The following C16orf46 variants were observed in gnomAD, a reference collection of about 807,000 sequenced individuals.
C16orf46 encodes uncharacterized protein C16orf46.
Under a neutral mutation model 5.5 loss-of-function variants are expected in C16orf46, and 7 were observed. That is an observed-to-expected ratio of 1.28 (90% CI 0.73 to 2.40). The LOEUF is 2.40. Ranked by LOEUF, C16orf46 falls within the 30% of genes most tolerant of loss-of-function variation. The pLI is 0.00. For synonymous variants in C16orf46, 200 were observed against 184.1 expected (o/e 1.09, Z -0.70); for missense variants, 614 against 476.0 (o/e 1.29, Z -2.70).
chr16:81,074,068 G>T (rs905503011), intron 1 of C16orf46, among the ~76,000 whole-genome samples: 10 of 152,212 alleles, frequency 6.6e-5, no homozygotes, highest in African/African-American at 2.4e-4. Flanking sequence ...AAGCTCTAAA[G>T]ATTCGAATGA....
chr16:81,075,228 T>G (rs1231504073), intron 1 of C16orf46, among the ~76,000 whole-genome samples: 1 of 150,408 alleles, frequency 6.6e-6, no homozygotes, highest in African/African-American at 2.5e-5. Context: ...CTACCAAGAG[T>G]TATAGAAGTT....
chr16:81,075,543 T>C (rs547459101), intron 1 of C16orf46, among the ~76,000 whole-genome samples: 1 of 152,196 alleles, frequency 6.6e-6, no homozygotes, highest in African/African-American at 2.4e-5. Context: ...TAAGCCGAGA[T>C]TGCACCACTA....
rs1455594740 is a variant in C16orf46, at chr16:81,061,685, A to G, written c.664T>C (p.Leu222=). Reference sequence around the variant, plus strand: ...TTACTCTTCTTACCCAGAACATCCAAAGCATTTGAAAGTGAAGCCTTCAGG... The same window carrying G: ...TTACTCTTCTTACCCAGAACATCCAGAGCATTTGAAAGTGAAGCCTTCAGG... ...PPLKASLSNA[L]DVLGKKSKNS... The change falls in exon 4 of 4, where the codon TTG becomes CTG. Residue 222 remains leucine (L), a synonymous_variant. Transcript: ENST00000299578. 1 of 1,614,148 alleles carries G rather than the reference A, an allele frequency of 6.2e-7. No homozygotes were observed. Among genetic ancestry groups the G allele is most frequent in the South Asian group, 1.1e-5 (1 of 91,090 alleles).
At chr16:81,068,553 G>C (rs1349269267) in intron 1 of C16orf46, among the ~76,000 whole-genome samples, 3 of 127,464 alleles carry the variant, frequency 2.4e-5, no homozygotes, top group African/African-American at 8.6e-5. Context: ...AAGGGCCTTT[G>C]TATTTCTTTG....
At chr16:81,053,908 T>G in exon 4 of C16orf46, 2 of 690,750 alleles carry the variant, frequency 2.9e-6, no homozygotes, top group South Asian at 3.8e-5. Context: ...AAATAAGACC[T>G]TGCTCCAAAC....
At chr16:81,075,102 T>A (rs140739172) in intron 1 of C16orf46, among the ~76,000 whole-genome samples, 1 of 152,338 alleles carries the variant, frequency 6.6e-6, no homozygotes, top group African/African-American at 2.4e-5. Context: ...ATTATTCAAC[T>A]AGCTGCAAAT....
At chr16:81,069,463 C>T (rs375580042) in intron 1 of C16orf46, among the ~76,000 whole-genome samples, 185 of 152,326 alleles carry the variant, frequency 1.2e-3, no homozygotes, top group African/African-American at 4.2e-3. Flanking sequence ...AAACATGGCT[C>T]TTAGATGGTT....
intron 1 of C16orf46, among the ~76,000 whole-genome samples, chr16:81,070,904 G>T (rs1971827498): frequency 1.3e-5 from 2 of 152,086 alleles, no homozygotes; most frequent in Non-Finnish European, 2.9e-5. Flanking sequence ...GACTCAACTG[G>T]TTTATCAGCC....
intron 2 of C16orf46, among the ~76,000 whole-genome samples, chr16:81,065,249 G>C (rs1035541): frequency 0.078 from 11,895 of 152,144 alleles, 513 homozygotes; most frequent in East Asian, 0.2. Context: ...GAGCTGGGTG[G>C]ATCATTTGAG....
chr16:81,056,219 C>T (rs1971291449), downstream of C16orf46: 1 of 152,170 alleles, frequency 6.6e-6, no homozygotes, highest in Non-Finnish European at 1.5e-5. Context: ...TATTAAACAT[C>T]AGAGAATTCT....
chr16:81,056,847 C>A (rs1380874544), downstream of C16orf46, among the ~76,000 whole-genome samples: 1 of 152,112 alleles, frequency 6.6e-6, no homozygotes, highest in African/African-American at 2.4e-5. Flanking sequence ...TGGGCGTTCC[C>A]CCAGCTCCCT....
chr16:81,071,229 T>A (rs1971841689), intron 1 of C16orf46, among the ~76,000 whole-genome samples: 4 of 152,200 alleles, frequency 2.6e-5, no homozygotes, highest in African/African-American at 7.2e-5. Context: ...GTATTCAGAA[T>A]GCCAAAGCTC....
intron 2 of C16orf46, among the ~76,000 whole-genome samples, chr16:81,065,423 A>C (rs1288606054): frequency 6.6e-6 from 1 of 150,678 alleles, no homozygotes; most frequent in Non-Finnish European, 1.5e-5. Flanking sequence ...GCAGTGAGCC[A>C]AGATCGTGCC....
chr16:81,059,539 A>C (rs1422986327), downstream of C16orf46, among the ~76,000 whole-genome samples: 1 of 152,174 alleles, frequency 6.6e-6, no homozygotes, highest in Non-Finnish European at 1.5e-5. Flanking sequence ...GTTCATCAGA[A>C]CATGTGTCTA....
downstream of C16orf46, among the ~76,000 whole-genome samples, chr16:81,058,463 G>A (rs1011979519): frequency 6.6e-6 from 1 of 152,116 alleles, no homozygotes; most frequent in African/African-American, 2.4e-5. Flanking sequence ...CTGGTACAGT[G>A]GAAATACAGG....
downstream of C16orf46, among the ~76,000 whole-genome samples, chr16:81,059,945 C>T (rs139346101): frequency 0.021 from 3,220 of 151,606 alleles, 58 homozygotes; most frequent in East Asian, 0.057. Flanking sequence ...CCCGCCACCA[C>T]GCCCGGCTAA....
rs578030887 is a variant in C16orf46 at position 81,072,922 on chromosome 16, C to G, written c.-128+4214G>C. ...TTTGGCATGTTGGCCAGGCTGGTCT[C>G]CAACTCCTGATGTCAAGTGATCCGT... On this transcript the variant is annotated intron_variant, in intron 1 of 3. Coordinates refer to ENST00000299578, the MANE Select transcript of C16orf46 (RefSeq NM_152337.3). Among the ~76,000 whole-genome samples, 6 of 152,152 alleles carry G rather than the reference C, an allele frequency of 3.9e-5. No individual in the cohort carries two copies. The East Asian group carries it at 1.2e-3, about 29-fold the overall frequency.
At position 81,061,494 on chromosome 16, in the gene C16orf46, C is replaced by T. The variant is rs2287995; in HGVS notation, c.855G>A (p.Ala285=). Reference sequence around the variant, plus strand: ...GATCGGTCAGCAGGGATATCTGGGCCGCTGGGGAAGGGGAGGATGGCGTGT... The same window carrying T: ...GATCGGTCAGCAGGGATATCTGGGCTGCTGGGGAAGGGGAGGATGGCGTGT... ...VNDTPSSPSP[A]AQISLLTDPE... is the part of the protein sequence containing the mutation. Residue 285 remains alanine (A), a synonymous_variant, in exon 4 of 4, where the codon GCG becomes GCA. Transcript: ENST00000299578. 21 of 1,613,974 alleles carry T rather than the reference C, an allele frequency of 1.3e-5. No homozygotes were observed. The highest frequency in any genetic ancestry group is 1.4e-5 in the Non-Finnish European group (17 of 1,180,028).
At chr16:81,056,889 A>T (rs780978854), downstream of C16orf46, among the ~76,000 whole-genome samples, 2 of 152,072 alleles carry the variant, frequency 1.3e-5, no homozygotes, top group Non-Finnish European at 2.9e-5. Context: ...TGCTTGATCT[A>T]TAAGTAAAGC....
Sources: allele counts gnomAD v4.1 joint callset (sites outside exome capture counted in the v4.1 genomes callset), GRCh38; gene constraint gnomAD v4.1.1; transcripts MANE v1.5; gene names NCBI Gene and HGNC (gene_info 2026-07-23, HGNC 2026-07-21).